Variants in CMIP observed in about 807,000 individuals in gnomAD.
CMIP encodes c-Maf inducing protein.
Under a neutral mutation model 97.3 loss-of-function variants are expected in CMIP, and 13 were observed. The observed-to-expected ratio is 0.13, with a 90% CI of 0.09 to 0.21. The LOEUF is 0.21. Ranked by LOEUF, CMIP falls within the 10% of genes least tolerant of loss-of-function variation. The pLI, the probability that CMIP is intolerant of heterozygous loss-of-function variation, is 1.00. For missense variants in CMIP, 847 were observed against 1,024.9 expected (o/e 0.83, Z 2.37); for synonymous variants, 538 against 436.3 (o/e 1.23, Z -2.91).
chr16:81,456,926 C>G (rs879908525), intron 1 of CMIP, among the ~76,000 whole-genome samples: 3 of 152,178 alleles, frequency 2.0e-5, no homozygotes, highest in African/African-American at 7.2e-5. Flanking sequence ...CCGGAGGAGC[C>G]GTGGCAGAGG....
intron 7 of CMIP, among the ~76,000 whole-genome samples, chr16:81,669,147 C>T (rs558414190): frequency 2.6e-5 from 3 of 117,630 alleles, no homozygotes; most frequent in Non-Finnish European, 3.6e-5. Flanking sequence ...CACTTCATAC[C>T]TCCTTCCACA....
chr16:81,590,624 A>G (rs909048003), intron 1 of CMIP, among the ~76,000 whole-genome samples: 2 of 152,186 alleles, frequency 1.3e-5, no homozygotes, highest in Admixed American at 6.5e-5. Context: ...TGATGCTTCC[A>G]TAGAACTTAG....
chr16:81,525,832 T>C (rs1370208133), intron 1 of CMIP, among the ~76,000 whole-genome samples: 1 of 152,248 alleles, frequency 6.6e-6, no homozygotes. Context: ...TGCATTTGAC[T>C]CCTCTAGGAA....
At chr16:81,555,095 C>T (rs1452310464) in intron 1 of CMIP, among the ~76,000 whole-genome samples, 6 of 152,184 alleles carry the variant, frequency 3.9e-5, no homozygotes, top group African/African-American at 1.2e-4. Flanking sequence ...TTCCCACACA[C>T]GCAAGGCCTC....
Position 81,445,224 on chromosome 16 carries a change from C to A in CMIP, c.-18C>A. On this transcript the variant is annotated 5_prime_UTR_variant, in exon 1 of 21. Coordinates refer to ENST00000537098, the MANE Select transcript of CMIP (RefSeq NM_198390.3). ...CAGCCCCCTCTCCCCGCCCCCAGCC[C>A]CCTCCCCCGGCGCGGCCATGGATGT... The A allele has an allele frequency of 6.7e-7, 1 of 1,500,956 alleles. No homozygotes were observed. The highest frequency in any genetic ancestry group is 2.5e-5 in the East Asian group (1 of 40,324). The allele number at this position is 1,500,956 out of a possible 1,614,324, so 93.0% of individuals were successfully genotyped here.
intron 10 of CMIP, among the ~76,000 whole-genome samples, chr16:81,688,608 A>T (rs919045722): frequency 6.6e-6 from 1 of 152,204 alleles, no homozygotes; most frequent in Non-Finnish European, 1.5e-5. Context: ...TCTCCGTGAC[A>T]TCGGAGCTGC....
At chr16:81,524,938 G>A (rs2090101006) in intron 1 of CMIP, among the ~76,000 whole-genome samples, 1 of 151,672 alleles carries the variant, frequency 6.6e-6, no homozygotes, top group Admixed American at 6.6e-5. Context: ...TAGGACTACA[G>A]GCACATGACA....
chr16:81,488,838 A>T (rs974508995), intron 1 of CMIP, among the ~76,000 whole-genome samples: 1 of 152,054 alleles, frequency 6.6e-6, no homozygotes, highest in Admixed American at 6.6e-5. Context: ...TGGCAGAGCG[A>T]TGTAGTTGCC....
At chr16:81,489,443 G>A (rs894396978) in intron 1 of CMIP, among the ~76,000 whole-genome samples, 1 of 152,206 alleles carries the variant, frequency 6.6e-6, no homozygotes, top group African/African-American at 2.4e-5. Flanking sequence ...TATTATTCAG[G>A]TACATCACTT....
At chr16:81,647,496 G>C (rs997637804) in intron 3 of CMIP, among the ~76,000 whole-genome samples, 1 of 152,132 alleles carries the variant, frequency 6.6e-6, no homozygotes, top group Admixed American at 6.5e-5. Context: ...GAAAACACCA[G>C]GTCGTGTGCC....
intron 1 of CMIP, among the ~76,000 whole-genome samples, chr16:81,554,897 C>G (rs2090730380): frequency 6.6e-6 from 1 of 152,248 alleles, no homozygotes; most frequent in African/African-American, 2.4e-5. Flanking sequence ...TCACTTTAAT[C>G]TTCAGCAAAT....
intron 1 of CMIP, among the ~76,000 whole-genome samples, chr16:81,468,766 C>T (rs963340464): frequency 6.6e-5 from 10 of 152,206 alleles, no homozygotes; most frequent in African/African-American, 1.2e-4. Context: ...AGAATGGGTC[C>T]GCTCAGGCCA....
At position 81,511,919 on chromosome 16, in the gene CMIP, G is replaced by A. The variant is rs891910388; in HGVS notation, c.300+66378G>A. ...CCACGGCCACCAGCCACACATGGTC[G>A]CTGAGCACTTGAAATGAGGTCCTCA... On this transcript the variant is annotated intron_variant, in intron 1 of 20. Transcript: ENST00000537098. 7.2e-5 allele frequency among the ~76,000 whole-genome samples: 11 copies of A among 152,204 alleles called. No homozygotes were observed. In the South Asian group the frequency reaches 8.3e-4, roughly 11 times the overall value.
At chr16:81,461,177 A>G (rs949680352) in intron 1 of CMIP, among the ~76,000 whole-genome samples, 66 of 152,012 alleles carry the variant, frequency 4.3e-4, no homozygotes, top group African/African-American at 1.6e-3. Context: ...GATGTTTTCC[A>G]CTTCCTCCCA....
intron 1 of CMIP, chr16:81,495,359 A>G: frequency 6.7e-7 from 1 of 1,487,228 alleles, no homozygotes; most frequent in Non-Finnish European, 9.0e-7. Context: ...GGCTTCTTGG[A>G]TGGGCTGGGC....
At chr16:81,456,511 CAG>C (rs778348415) in intron 1 of CMIP, among the ~76,000 whole-genome samples, 14 of 152,228 alleles carry the variant, frequency 9.2e-5, no homozygotes, top group Non-Finnish European at 1.9e-4. Flanking sequence ...AGCACTTACC[CAG>C]AACCTGTTTT....
At chr16:81,586,190 G>A (rs2091379632) in intron 1 of CMIP, among the ~76,000 whole-genome samples, 1 of 152,020 alleles carries the variant, frequency 6.6e-6, no homozygotes, top group Non-Finnish European at 1.5e-5. Flanking sequence ...TCTGTCATCA[G>A]GACCCCACTT....
At chr16:81,656,405 C>T (rs1160504310) in intron 4 of CMIP, among the ~76,000 whole-genome samples, 2 of 152,228 alleles carry the variant, frequency 1.3e-5, no homozygotes, top group African/African-American at 4.8e-5. Flanking sequence ...GGTCTCTTTA[C>T]AAGCAGCCAA....
intron 1 of CMIP, among the ~76,000 whole-genome samples, chr16:81,582,743 C>T (rs2091316718): frequency 6.6e-6 from 1 of 152,148 alleles, no homozygotes; most frequent in Non-Finnish European, 1.5e-5. Context: ...CTTGGGTTTC[C>T]AAGACCATGA....
Sources: gnomAD v4.1 joint callset for allele counts (sites outside exome capture counted in the v4.1 genomes callset) on GRCh38, gnomAD v4.1.1 for gene constraint, MANE v1.5 for transcripts, NCBI Gene and HGNC (gene_info 2026-07-23, HGNC 2026-07-21) for gene names.